SH3RF1: variants seen among roughly 807,000 people sequenced by gnomAD.
SH3RF1 encodes the protein SH3 domain containing ring finger 1, also known as E3 ubiquitin-protein ligase SH3RF1.
In SH3RF1, 32 loss-of-function variants were observed where a neutral mutation model predicts 74.0. The observed-to-expected ratio is 0.43, with a 90% CI of 0.33 to 0.58. SH3RF1 has a LOEUF of 0.58. SH3RF1 is among the 20% of genes least tolerant of loss of function. SH3RF1 has a pLI of 0.05. For missense variants in SH3RF1, 954 were observed against 1,130.9 expected (o/e 0.84, Z 2.24); for synonymous variants, 396 against 439.6 (o/e 0.90, Z 1.24).
chr4:169,268,897 T>G lies in SH3RF1; in HGVS notation c.316A>C (p.Asn106His), dbSNP rs771781742. Residue 106 changes from asparagine to histidine, a missense_variant, in exon 2 of 12, where the codon AAT becomes CAT. By Grantham distance (68) the Asn-to-His change is moderately conservative (BLOSUM62 1). Around this residue, in one of 3 missense-constraint regions of SH3RF1, gnomAD observed 854 missense variants for 962.5 expected, o/e 0.89. Transcript: ENST00000284637. ...CTCTGCAGATCTTTTGAGCTACAAT[T>G]AGCCACAGTGCTGCTCTGAGACCTT... ...ALRSQSSTVA[N>H]CSSKDLQSSQ... 4.3e-6 allele frequency: 7 copies of G among 1,613,528 alleles called. No individual in the cohort carries two copies. The highest frequency in any genetic ancestry group is 5.1e-6 in the Non-Finnish European group (6 of 1,180,006).
chr4:169,129,883 T>C (rs1197287004), intron 6 of SH3RF1, among the ~76,000 whole-genome samples, 163 bp downstream of exon 6: 1 of 152,258 alleles, frequency 6.6e-6, no homozygotes, highest in Non-Finnish European at 1.5e-5. Context: ...CAAGGGACTT[T>C]CTAATGTTTT....
intron 2 of SH3RF1, among the ~76,000 whole-genome samples, chr4:169,224,297 T>C (rs559680546): frequency 6.6e-6 from 1 of 151,238 alleles, no homozygotes; most frequent in South Asian, 2.1e-4. Context: ...TGCCTATTTC[T>C]AGAAGGCCAT....
intron 4 of SH3RF1, among the ~76,000 whole-genome samples, chr4:169,149,890 TA>T (rs1323618788): frequency 6.6e-6 from 1 of 152,194 alleles, no homozygotes; most frequent in Non-Finnish European, 1.5e-5. Flanking sequence ...AAAATAAAGT[TA>T]GCATTGTTAT....
chr4:169,228,528 G>A (rs1730687302), intron 2 of SH3RF1, among the ~76,000 whole-genome samples: 2 of 152,168 alleles, frequency 1.3e-5, no homozygotes, highest in South Asian at 4.2e-4. Flanking sequence ...AACATCACTC[G>A]GACCTTGTCT....
rs1554009266 is a variant in SH3RF1 at position 169,218,288 on chromosome 4, T to TAATATATAATATA, written c.393+50519_393+50531dup. On this transcript the variant is annotated intron_variant, in intron 2 of 11. Coordinates refer to ENST00000284637, the MANE Select transcript of SH3RF1 (RefSeq NM_020870.4). Reference sequence around the variant, plus strand: ...ATATAGAATATAAATATATAATATATAATATATAATATAAATATAGAATAT... The same window carrying TAATATATAATATA: ...ATATAGAATATAAATATATAATATATAATATATAATATAAATATATAATATAAATATAGAATAT... Among the ~76,000 whole-genome samples the TAATATATAATATA allele has an allele frequency of 4.5e-4, 59 of 131,158 alleles. 1 individual carries two copies. The highest frequency in any genetic ancestry group is 1.3e-3 in the African/African-American group (48 of 37,236). 86.0% of individuals were successfully genotyped at this position (131,158 alleles called of 152,430 possible). A position where few individuals can be genotyped will look rare whatever the true frequency, so the allele number is the denominator to read the frequency against.
chr4:169,192,343 G>A (rs560527845), intron 2 of SH3RF1, among the ~76,000 whole-genome samples: 13 of 149,678 alleles, frequency 8.7e-5, no homozygotes, highest in Admixed American at 7.3e-4. Flanking sequence ...TAGACAGTTC[G>A]CAAAAGAAGA....
intron 2 of SH3RF1, among the ~76,000 whole-genome samples, chr4:169,160,507 C>T (rs13143698): frequency 0.32 from 48,436 of 152,034 alleles, 8,029 homozygotes; most frequent in African/African-American, 0.4. Flanking sequence ...CATTAATTCA[C>T]CCCAACTTGC....
intron 2 of SH3RF1, among the ~76,000 whole-genome samples, chr4:169,238,022 A>C (rs1561061470): frequency 6.6e-6 from 1 of 152,082 alleles, no homozygotes; most frequent in African/African-American, 2.4e-5. Flanking sequence ...GTCTCCTCTT[A>C]ATAATTTTCC....
rs1177250623 is a variant in SH3RF1 at position 169,120,793 on chromosome 4, A to G, written c.1517+26T>C. On this transcript the variant is annotated intron_variant, in intron 8 of 11. Transcript: ENST00000284637. ...AACAAAGCTTCTCTGTTTAGAACATAGTAAACAATGTATTCAAAACCATAC... is the reference window on the plus strand; with the variant it reads ...AACAAAGCTTCTCTGTTTAGAACATGGTAAACAATGTATTCAAAACCATAC... 9 of 1,610,134 alleles carry G rather than the reference A, an allele frequency of 5.6e-6. No individual in the cohort carries two copies. The East Asian group carries it at 1.6e-4, about 28-fold the overall frequency.
intron 4 of SH3RF1, among the ~76,000 whole-genome samples, chr4:169,145,137 G>A (rs1339125724): frequency 1.3e-5 from 2 of 152,138 alleles, no homozygotes; most frequent in East Asian, 1.9e-4. Context: ...GTACTTGTAC[G>A]TTTATTGCAG....
chr4:169,194,387 A>C (rs1734776663), intron 2 of SH3RF1, among the ~76,000 whole-genome samples: 1 of 152,130 alleles, frequency 6.6e-6, no homozygotes, highest in Admixed American at 6.5e-5. Flanking sequence ...ATGCAACCAC[A>C]ATCATGGCTT....
At chr4:169,125,601 T>G (rs967577586) in intron 6 of SH3RF1, among the ~76,000 whole-genome samples, 2 of 152,176 alleles carry the variant, frequency 1.3e-5, no homozygotes, top group African/African-American at 4.8e-5. Context: ...CCTTTCTAAT[T>G]GTCTCTTACG....
At chr4:169,250,971 TG>T (rs1436084235) in intron 2 of SH3RF1, among the ~76,000 whole-genome samples, 1 of 152,168 alleles carries the variant, frequency 6.6e-6, no homozygotes, top group Non-Finnish European at 1.5e-5. Context: ...TAGGCTTTGG[TG>T]GTTTGATAAA....
At chr4:169,214,466 C>T (rs2126997814) in intron 2 of SH3RF1, among the ~76,000 whole-genome samples, 1 of 152,160 alleles carries the variant, frequency 6.6e-6, no homozygotes, top group East Asian at 1.9e-4. Context: ...ATCCACAAAA[C>T]AACTTGTTTG....
intron 6 of SH3RF1, among the ~76,000 whole-genome samples, chr4:169,127,720 T>C (rs1211382121): frequency 6.6e-6 from 1 of 152,202 alleles, no homozygotes; most frequent in East Asian, 1.9e-4. Flanking sequence ...TGTATATCCA[T>C]GTTCTCTTGT....
At chr4:169,157,287 A>G (rs1734075003) in intron 2 of SH3RF1, among the ~76,000 whole-genome samples, 1 of 152,234 alleles carries the variant, frequency 6.6e-6, no homozygotes, top group Non-Finnish European at 1.5e-5. Context: ...GTGAGTGAAC[A>G]GTCACAGTAC....
chr4:169,155,857 T>C (rs1469431008), intron 3 of SH3RF1, among the ~76,000 whole-genome samples: 1 of 145,462 alleles, frequency 6.9e-6, no homozygotes, highest in Non-Finnish European at 1.5e-5. Context: ...AAATGATACC[T>C]ACCCTAGCCT....
At chr4:169,230,400 C>T (rs1228264435) in intron 2 of SH3RF1, among the ~76,000 whole-genome samples, 1 of 151,922 alleles carries the variant, frequency 6.6e-6, no homozygotes, top group Non-Finnish European at 1.5e-5. Context: ...ATGTTTTTTC[C>T]TTCATACAGA....
At chr4:169,240,849 C>T (rs1040523927) in intron 2 of SH3RF1, among the ~76,000 whole-genome samples, 5 of 152,146 alleles carry the variant, frequency 3.3e-5, no homozygotes, top group Admixed American at 3.3e-4. Context: ...GTAAGATGAT[C>T]CATGTATTCA....
Sources: gnomAD v4.1 joint callset for allele counts (sites outside exome capture counted in the v4.1 genomes callset) on GRCh38, gnomAD v4.1.1 for gene constraint, gnomAD v4.1.1 regional missense constraint, MANE v1.5 for transcripts, NCBI Gene and HGNC (gene_info 2026-07-23, HGNC 2026-07-21) for gene names.